The following KIF27 variants were observed in gnomAD, a reference collection of about 807,000 sequenced individuals.
KIF27 encodes the protein kinesin-like protein KIF27.
Under a neutral mutation model 141.8 loss-of-function variants are expected in KIF27, and 84 were observed. The ratio of observed to expected loss-of-function variants is 0.59; its 90% CI spans 0.50 to 0.71. KIF27 has a LOEUF of 0.71. KIF27 is among the 30% of genes least tolerant of loss of function. The pLI, the probability that KIF27 is intolerant of heterozygous loss-of-function variation, is 0.00. For synonymous variants in KIF27, 471 were observed against 569.5 expected (o/e 0.83, Z 2.46); for missense variants, 1,306 against 1,628.4 (o/e 0.80, Z 3.41).
rs11140287 is a variant in KIF27, at chr9:83,902,512, A to G, written c.1458+548T>C. Among the ~76,000 whole-genome samples the G allele has an allele frequency of 5.2e-3, 788 of 152,354 alleles. 20 individuals carry two copies. In the East Asian group the frequency reaches 0.081, roughly 16 times the overall value. ...ACGTACATGTAACATGTATACATGT[A>G]TATACCTACATTCCTTAAACATTAA... On this transcript the variant is annotated intron_variant, in intron 4 of 17. Coordinates refer to ENST00000297814, the MANE Select transcript of KIF27 (RefSeq NM_017576.4).
chr9:83,886,898 T>C (rs1393840726), intron 9 of KIF27, 143 bp downstream of exon 9: 7 of 814,016 alleles, frequency 8.6e-6, no homozygotes, highest in Non-Finnish European at 1.2e-5. Context: ...CTCCACATAT[T>C]GGCCTAAAAA....
In KIF27 at chr9:83,848,086, T is replaced by TATATATGATATATATGATATATC. The variant is rs1947614212; in HGVS notation, c.3556+2012_3556+2013insGATATATCATATATATCATATAT. ...CATATATATGATATATGATATATCATATATATGATATATATGATATCTCAT... is the reference window on the plus strand; with the variant it reads ...CATATATATGATATATGATATATCATATATATGATATATATGATATATCATATATGATATATATGATATCTCAT... On this transcript the variant is annotated intron_variant, in intron 16 of 17. Coordinates refer to ENST00000297814, the MANE Select transcript of KIF27 (RefSeq NM_017576.4). Among the ~76,000 whole-genome samples the TATATATGATATATATGATATATC allele has an allele frequency of 4.1e-5, 2 of 48,910 alleles. 1 individual carries two copies. The highest frequency in any genetic ancestry group is 2.6e-4 in the African/African-American group (2 of 7,698). The allele number at this position is 48,910 out of a possible 152,430, so 32.1% of individuals were successfully genotyped here.
chr9:83,919,932 T>C (rs1351174909), intron 1 of KIF27, among the ~76,000 whole-genome samples: 4 of 149,814 alleles, frequency 2.7e-5, no homozygotes, highest in African/African-American at 7.4e-5. Flanking sequence ...TTCTAAGCAT[T>C]AAAAAAAATA....
At chr9:83,869,868 A>G (rs1405754232) in intron 12 of KIF27, among the ~76,000 whole-genome samples, 1 of 152,208 alleles carries the variant, frequency 6.6e-6, no homozygotes, top group African/African-American at 2.4e-5. Flanking sequence ...TGAGAGCAAG[A>G]AAAAACAAAA....
intron 9 of KIF27, among the ~76,000 whole-genome samples, chr9:83,885,296 T>C (rs1431448965): frequency 6.6e-6 from 1 of 152,128 alleles, no homozygotes; most frequent in Non-Finnish European, 1.5e-5. Context: ...TTTCACCATG[T>C]TGGCCAGGCT....
intron 14 of KIF27, among the ~76,000 whole-genome samples, chr9:83,857,391 T>C (rs1288708475): frequency 1.3e-5 from 2 of 152,096 alleles, no homozygotes; most frequent in African/African-American, 2.4e-5. Flanking sequence ...GAGCAGAGCC[T>C]CACTTGAGAG....
chr9:83,847,937 T>C (rs1313948230), intron 16 of KIF27: 2 of 141,660 alleles, frequency 1.4e-5, no homozygotes, highest in East Asian at 3.9e-4. Flanking sequence ...AACTCCCCTT[T>C]ATGTTTATAT....
rs1218627790 is a variant in KIF27, at chr9:83,880,373, TG to T, written c.2566del (p.Gln856LysfsTer17). 6.2e-7 allele frequency: 1 copy of T among 1,613,622 alleles called. No individual in the cohort carries two copies. Among genetic ancestry groups the T allele is most frequent in the Non-Finnish European group, 8.5e-7 (1 of 1,179,796 alleles). On this transcript the variant is annotated frameshift_variant, in exon 11 of 18. Transcript: ENST00000297814. LOFTEE classifies it high-confidence loss of function. Reference sequence around the variant, plus strand: ...TTCATTTTCTTCTCGTAGTTTTCTTTGTAGCTGTATCTTTTGATATTTCATG... The same window carrying T: ...TTCATTTTCTTCTCGTAGTTTTCTTTTAGCTGTATCTTTTGATATTTCATG... ...DHMKYQKIQL[Q>X]RKLREENEKR...
rs531876952 is a variant in KIF27, at chr9:83,853,644, G to C, written c.3342C>G (p.Phe1114Leu). The C allele has an allele frequency of 6.2e-7, 1 of 1,613,106 alleles. No individual in the cohort carries two copies. Among genetic ancestry groups the C allele is most frequent in the Admixed American group, 1.7e-5 (1 of 60,012 alleles). ...AAAAACAAACCTTATTGAAATATCTGAAAAGAATAGTTCTAATCTCAACAG... is the reference window on the plus strand; with the variant it reads ...AAAAACAAACCTTATTGAAATATCTCAAAAGAATAGTTCTAATCTCAACAG... ...LSPVEIRTILFRYFNKVVNLR... is the reference protein window; with the variant it reads ...LSPVEIRTILLRYFNKVVNLR... The change falls in exon 15 of 18, where the codon TTC becomes TTG. Residue 1114 changes from phenylalanine (F) to leucine (L), a missense_variant. Around this residue, in one of 4 missense-constraint regions of KIF27, gnomAD observed 596 missense variants for 751.6 expected, o/e 0.79. Coordinates refer to ENST00000297814, the MANE Select transcript of KIF27 (RefSeq NM_017576.4).
At position 83,903,638 on chromosome 9, in the gene KIF27, T is replaced by C; in HGVS notation, c.880A>G (p.Arg294Gly). The C allele has an allele frequency of 6.2e-7, 1 of 1,614,190 alleles. No homozygotes were observed. Among genetic ancestry groups the C allele is most frequent in the Non-Finnish European group, 8.5e-7 (1 of 1,180,026 alleles). Reference protein sequence around the residue: ...PRRKSSHIPYRDAKITRLLKD... With the variant: ...PRRKSSHIPYGDAKITRLLKD... ...AGAAGCCGGGTAATTTTAGCATCCC[T>C]ATATGGAATATGTGAACTCTTCCTG... The change falls in exon 4 of 18, where the codon AGG becomes GGG. Residue 294 changes from arginine (R) to glycine (G), a missense_variant. Around this residue, in one of 4 missense-constraint regions of KIF27, gnomAD observed 533 missense variants for 565.6 expected, o/e 0.94. Coordinates refer to ENST00000297814, the MANE Select transcript of KIF27 (RefSeq NM_017576.4).
chr9:83,916,322 G>A (rs1032928628), intron 1 of KIF27, among the ~76,000 whole-genome samples: 2 of 152,134 alleles, frequency 1.3e-5, no homozygotes, highest in Non-Finnish European at 2.9e-5. Context: ...GTGAGCCACC[G>A]TGCCCAGCCT....
intron 16 of KIF27, among the ~76,000 whole-genome samples, chr9:83,842,648 A>T (rs1946722411): frequency 6.6e-6 from 1 of 151,976 alleles, no homozygotes; most frequent in Admixed American, 6.6e-5. Flanking sequence ...TTGTATTTTT[A>T]GTAGAGATGG....
At chr9:83,873,739 C>G (rs1321217406) in intron 11 of KIF27, among the ~76,000 whole-genome samples, 3 of 152,158 alleles carry the variant, frequency 2.0e-5, no homozygotes, top group African/African-American at 7.2e-5. Context: ...GGAGTTGACT[C>G]TCTACGTAGT....
chr9:83,862,001 C>G (rs1474232826), intron 13 of KIF27, among the ~76,000 whole-genome samples: 1 of 152,170 alleles, frequency 6.6e-6, no homozygotes, highest in Non-Finnish European at 1.5e-5. Flanking sequence ...CTGTTCATAT[C>G]CTTCGCCCAC....
In KIF27 at chr9:83,848,153, A is replaced by ATCTGATATC. The variant is rs1947725735; in HGVS notation, c.3556+1945_3556+1946insGATATCAGA. On this transcript the variant is annotated intron_variant, in intron 16 of 17. Transcript: ENST00000297814. ...ATCTCATATATGATATATCTGATAT[A>ATCTGATATC]TCATATATGATATATCTGATATATC... Among the ~76,000 whole-genome samples, 2 of 59,716 alleles carry ATCTGATATC rather than the reference A, an allele frequency of 3.3e-5. 1 individual carries two copies. Among genetic ancestry groups the ATCTGATATC allele is most frequent in the East Asian group, 9.2e-4 (2 of 2,172 alleles). The allele number at this position is 59,716 out of a possible 152,430, so 39.2% of individuals were successfully genotyped here.
At position 83,842,414 on chromosome 9, in the gene KIF27, A is replaced by C. The variant is rs539803116; in HGVS notation, c.3557-13T>G. On this transcript the variant is annotated splice_polypyrimidine_tract_variant and intron_variant, in intron 16 of 17. Coordinates refer to ENST00000297814, the MANE Select transcript of KIF27 (RefSeq NM_017576.4). ...TCTCCATCTTGTTCTATACAACAAA[A>C]ATTTGCATTTAAAATCAGTTTTAAA... 2.8e-5 allele frequency: 41 copies of C among 1,476,566 alleles called. No homozygotes were observed. In the Middle Eastern group the frequency reaches 7.7e-4, roughly 28 times the overall value. 91.5% of individuals were successfully genotyped at this position (1,476,566 alleles called of 1,614,324 possible). A position where few individuals can be genotyped will look rare whatever the true frequency, so the allele number is the denominator to read the frequency against.
intron 10 of KIF27, among the ~76,000 whole-genome samples, chr9:83,881,828 C>T (rs1457204060): frequency 6.6e-6 from 1 of 152,138 alleles, no homozygotes; most frequent in African/African-American, 2.4e-5. Context: ...TATCAGTGTA[C>T]ATCCTGAAAG....
chr9:83,886,481 T>C (rs1369143333), intron 9 of KIF27, among the ~76,000 whole-genome samples: 1 of 152,164 alleles, frequency 6.6e-6, no homozygotes, highest in Non-Finnish European at 1.5e-5. Context: ...TTCTCTTGAA[T>C]AGCAGCTGCT....
chr9:83,894,687 A>T (rs1231260042), intron 5 of KIF27, among the ~76,000 whole-genome samples: 1 of 152,152 alleles, frequency 6.6e-6, no homozygotes, highest in Non-Finnish European at 1.5e-5. Flanking sequence ...GATTAAGCAC[A>T]TCCTCTGTGA....
Sources: allele counts gnomAD v4.1 joint callset (sites outside exome capture counted in the v4.1 genomes callset), GRCh38; gene constraint gnomAD v4.1.1; regional missense constraint gnomAD v4.1.1; transcripts MANE v1.5; gene names NCBI Gene and HGNC (gene_info 2026-07-23, HGNC 2026-07-21).